Variants in SMYD4 observed in about 807,000 individuals in gnomAD.
SMYD4 encodes protein-lysine N-methyltransferase SMYD4.
In SMYD4, 68 loss-of-function variants were observed where a neutral mutation model predicts 72.8. The observed-to-expected ratio is 0.93, with a 90% CI of 0.77 to 1.14. The LOEUF (loss-of-function observed/expected upper bound fraction) is 1.14, where lower values mean the gene tolerates loss of function less well. Ranked by LOEUF, SMYD4 falls within the 50% of genes most tolerant of loss-of-function variation. The pLI is 0.00. For missense variants in SMYD4, 984 were observed against 1,003.7 expected (o/e 0.98, Z 0.27); for synonymous variants, 407 against 388.6 (o/e 1.05, Z -0.56).
chr17:1,804,813 A>C, intron 3 of SMYD4, 98 bp from the exon 4 acceptor site: 1 of 1,206,342 alleles, frequency 8.3e-7, no homozygotes, highest in South Asian at 1.3e-5. Flanking sequence ...AGACTGTGTG[A>C]AACTGGGAAA....
intron 5 of SMYD4, 146 bp from the exon 6 acceptor site, chr17:1,787,750 G>A (rs1908783324): frequency 2.4e-6 from 2 of 843,340 alleles, no homozygotes; most frequent in Admixed American, 6.0e-5. Flanking sequence ...TAAATCAGAT[G>A]GGACATGACT....
At chr17:1,801,252 T>C (rs1909732264) in intron 4 of SMYD4, among the ~76,000 whole-genome samples, 1 of 152,178 alleles carries the variant, frequency 6.6e-6, no homozygotes, top group African/African-American at 2.4e-5. Context: ...TTTTTCTTTT[T>C]TTTTGAGACG....
intron 5 of SMYD4, among the ~76,000 whole-genome samples, chr17:1,797,231 T>C (rs1909451686): frequency 2.0e-5 from 3 of 152,196 alleles, no homozygotes; most frequent in Admixed American, 2.0e-4. Flanking sequence ...TATTCATCTG[T>C]CTATAAAAAC....
At chr17:1,787,053 G>A (rs1265480752) in intron 6 of SMYD4, 80 bp from the exon 7 acceptor site, 36 of 1,536,000 alleles carry the variant, frequency 2.3e-5, no homozygotes, top group Middle Eastern at 2.3e-4. Context: ...CTTAGCAGAG[G>A]GTCTGGACAA....
rs28503783 is a variant in SMYD4, at chr17:1,812,622, C to T, written c.135-507G>A. On this transcript the variant is annotated intron_variant, in intron 2 of 10. Coordinates refer to ENST00000305513, the MANE Select transcript of SMYD4 (RefSeq NM_052928.3). Reference sequence around the variant, plus strand: ...GGAGTGCAGAATCATGATCTCGGCTCGCTGCAACCTCCGCCTCCCTGGTTC... The same window carrying T: ...GGAGTGCAGAATCATGATCTCGGCTTGCTGCAACCTCCGCCTCCCTGGTTC... 4.9e-3 allele frequency among the ~76,000 whole-genome samples: 705 copies of T among 145,248 alleles called. 5 individuals carry two copies. Among genetic ancestry groups the T allele is most frequent in the African/African-American group, 0.017 (668 of 38,926 alleles).
chr17:1,816,665 C>T (rs543100465), intron 2 of SMYD4, among the ~76,000 whole-genome samples: 10 of 151,532 alleles, frequency 6.6e-5, no homozygotes, highest in African/African-American at 1.7e-4. Flanking sequence ...CTCCCTTTGT[C>T]GCCCAGGCTG....
chr17:1,786,787 G>A lies in SMYD4; in HGVS notation c.1884+23C>T. ...GGAAAACTGACCTCCAGGAAAAGTG[G>A]AGGAGACAGAAGAGAGAATTACCTG... On this transcript the variant is annotated intron_variant, in intron 7 of 10. Transcript: ENST00000305513. 1.2e-6 allele frequency: 2 copies of A among 1,613,596 alleles called. 1 individual carries two copies. The highest frequency in any genetic ancestry group is 2.2e-5 in the South Asian group (2 of 91,062).
chr17:1,829,176 A>G (rs1190732581), intron 1 of SMYD4, among the ~76,000 whole-genome samples: 1 of 152,188 alleles, frequency 6.6e-6, no homozygotes, highest in Non-Finnish European at 1.5e-5. Context: ...GAAGCCCAGG[A>G]CAAAACCATC....
At chr17:1,817,645 T>C (rs774374982) in intron 2 of SMYD4, among the ~76,000 whole-genome samples, 9 of 152,180 alleles carry the variant, frequency 5.9e-5, no homozygotes, top group Non-Finnish European at 1.0e-4. Context: ...CCTAAAAGTT[T>C]TAATTTTGAT....
chr17:1,792,944 A>AT (rs34305784), intron 5 of SMYD4, among the ~76,000 whole-genome samples: 52,691 of 151,616 alleles, frequency 0.35, 11,535 homozygotes, highest in Non-Finnish European at 0.5. Flanking sequence ...TTATCTTGCT[A>AT]TTTTTTAGAC....
chr17:1,803,886 G>GT (rs34556870), intron 4 of SMYD4, among the ~76,000 whole-genome samples: 74,991 of 143,898 alleles, frequency 0.52, 21,669 homozygotes, highest in Non-Finnish European at 0.69. Context: ...AGTTCAGTTA[G>GT]TTTTTTTTTT....
intron 3 of SMYD4, among the ~76,000 whole-genome samples, chr17:1,810,058 G>A (rs1351288444): frequency 1.3e-5 from 2 of 151,502 alleles, no homozygotes; most frequent in African/African-American, 2.4e-5. Flanking sequence ...GCCTCCCAAA[G>A]GGCTGGGATT....
In SMYD4 at chr17:1,784,356, C is replaced by T; in HGVS notation, c.1990G>A (p.Ala664Thr). 1.2e-6 allele frequency: 2 copies of T among 1,614,234 alleles called. No individual in the cohort carries two copies. The highest frequency in any genetic ancestry group is 8.5e-7 in the Non-Finnish European group (1 of 1,180,048). Reference sequence around the variant, plus strand: ...TCACCATCTCTGAGAAGCTTCTGGGCCACTCTGACCTGCTGCTGTAGGTCC... The same window carrying T: ...TCACCATCTCTGAGAAGCTTCTGGGTCACTCTGACCTGCTGCTGTAGGTCC... ...LQDLQQQVRVAQKLLRDGELE... is the reference protein window; with the variant it reads ...LQDLQQQVRVTQKLLRDGELE... Residue 664 changes from alanine (A) to threonine (T), a missense_variant, in exon 8 of 11, where the codon GCC (alanine) becomes ACC (threonine). By Grantham distance (58) the Ala-to-Thr change is moderately conservative. Coordinates refer to ENST00000305513, the MANE Select transcript of SMYD4 (RefSeq NM_052928.3).
chr17:1,827,412 T>C (rs1431543541), intron 2 of SMYD4, among the ~76,000 whole-genome samples: 1 of 149,134 alleles, frequency 6.7e-6, no homozygotes, highest in Admixed American at 6.7e-5. Context: ...AAGTTCACAA[T>C]CTAGCGGCAA....
chr17:1,801,237 T>A (rs1217205509), intron 4 of SMYD4, among the ~76,000 whole-genome samples: 1 of 83,802 alleles, frequency 1.2e-5, no homozygotes, highest in Non-Finnish European at 2.8e-5. Context: ...GTTTTTGGAT[T>A]AAATTTTTTC....
chr17:1,815,217 C>T (rs1346314144), intron 2 of SMYD4, among the ~76,000 whole-genome samples: 2 of 151,960 alleles, frequency 1.3e-5, no homozygotes, highest in Non-Finnish European at 2.9e-5. Context: ...GTGCCCGCCA[C>T]CACACCCAGC....
Position 1,800,680 on chromosome 17 carries a change from G to A in SMYD4, c.714C>T (p.Cys238=), listed in dbSNP as rs1463378160. 1.2e-6 allele frequency: 2 copies of A among 1,614,128 alleles called. No individual in the cohort carries two copies. Among genetic ancestry groups the A allele is most frequent in the East Asian group, 2.2e-5 (1 of 44,880 alleles). The part of the protein sequence containing the change: ...LSNASSSIGL[C]VDPLKGRCLV... ...GACAGCGACCTTTTAAAGGATCTAC[G>A]CATAAGCCGATGGATGATGAGGCAT... The change falls in exon 5 of 11, where the codon TGC becomes TGT. Residue 238 remains cysteine (C), a synonymous_variant. Transcript: ENST00000305513.
chr17:1,828,934 T>A (rs1911364135), intron 1 of SMYD4, among the ~76,000 whole-genome samples: 1 of 151,554 alleles, frequency 6.6e-6, no homozygotes, highest in Non-Finnish European at 1.5e-5. Flanking sequence ...CATCCCAGAT[T>A]TTTCTTTCTC....
Position 1,783,371 on chromosome 17 carries a change from C to A in SMYD4, c.2126G>T (p.Cys709Phe), listed in dbSNP as rs756140971. 1 of 1,612,344 alleles carries A rather than the reference C, an allele frequency of 6.2e-7. No homozygotes were observed. Among genetic ancestry groups the A allele is most frequent in the Non-Finnish European group, 8.5e-7 (1 of 1,180,022 alleles). ...GGCTCATGCTGTACCTAAGGCAGCACAGGCCCGGGCCAGGCCATCCGCGAT... is the reference window on the plus strand; with the variant it reads ...GGCTCATGCTGTACCTAAGGCAGCAAAGGCCCGGGCCAGGCCATCCGCGAT... ...GEIADGLARA[C>F]AALGDWQKSA... The change falls in exon 9 of 11, where the codon TGT becomes TTT. Residue 709 changes from cysteine (C) to phenylalanine (F), a missense_variant. Cys to Phe is a radical substitution (Grantham distance 205). Transcript: ENST00000305513.
Sources: gnomAD v4.1 joint callset for allele counts (sites outside exome capture counted in the v4.1 genomes callset) on GRCh38, gnomAD v4.1.1 for gene constraint, MANE v1.5 for transcripts, NCBI Gene and HGNC (gene_info 2026-07-23, HGNC 2026-07-21) for gene names.